DSC3: variants seen among roughly 807,000 people sequenced by gnomAD.
DSC3 encodes desmocollin-3.
In DSC3, 97 loss-of-function variants were observed where a neutral mutation model predicts 89.5. That is an observed-to-expected ratio of 1.08 (90% CI 0.92 to 1.28). The LOEUF (loss-of-function observed/expected upper bound fraction) is 1.28, where lower values mean the gene tolerates loss of function less well. Among genes scored for constraint, DSC3 ranks in the 50% most tolerant of loss-of-function variants. DSC3 has a pLI of 0.00. For synonymous variants in DSC3, 436 were observed against 384.1 expected (o/e 1.14, Z -1.58); for missense variants, 1,199 against 1,085.3 (o/e 1.10, Z -1.47).
At position 31,029,533 on chromosome 18, in the gene DSC3, G is replaced by A; in HGVS notation, c.450C>T (p.Gly150=). The A allele has an allele frequency of 8.7e-6, 14 of 1,613,840 alleles. No homozygotes were observed. Among genetic ancestry groups the A allele is most frequent in the Non-Finnish European group, 1.2e-5 (14 of 1,179,734 alleles). The part of the protein sequence containing the change: ...IPCSMQENSL[G]PFPLFLQQVE... Reference sequence around the variant, plus strand: ...CTTGTTGAAGAAACAATGGGAAAGGGCCCAAGGAATTCTCTTGCATAGAGC... The same window carrying A: ...CTTGTTGAAGAAACAATGGGAAAGGACCCAAGGAATTCTCTTGCATAGAGC... Residue 150 remains glycine, a synonymous_variant, in exon 4 of 16, where the codon GGC becomes GGT. Transcript: ENST00000360428.
intron 13 of DSC3, among the ~76,000 whole-genome samples, chr18:31,003,344 A>G (rs772283935): frequency 7.9e-5 from 12 of 151,752 alleles, no homozygotes; most frequent in African/African-American, 1.2e-4. Flanking sequence ...GTCTTTCCCT[A>G]TTTTTCCTAA....
intron 14 of DSC3, among the ~76,000 whole-genome samples, chr18:31,000,420 C>T (rs1322751644): frequency 6.6e-6 from 1 of 152,280 alleles, no homozygotes; most frequent in East Asian, 1.9e-4. Flanking sequence ...TCTCACTGAT[C>T]CCCCTACTGA....
chr18:30,993,079 G>C lies in DSC3; in HGVS notation c.*1096C>G, dbSNP rs1984328171. The C allele has an allele frequency of 6.6e-6, 1 of 152,190 alleles. No homozygotes were observed. Among genetic ancestry groups the C allele is most frequent in the Non-Finnish European group, 1.5e-5 (1 of 68,066 alleles). The allele number at this position is 152,190 out of a possible 1,614,324, so 9.4% of individuals were successfully genotyped here. The stretch of plus-strand genomic sequence containing the variant: ...CCCTCTAGCCTCTAAACTCTAGGAG[G>C]ACATGGTTATTTGGATCTAAATTAA... On this transcript the variant is annotated 3_prime_UTR_variant, in exon 16 of 16. Transcript: ENST00000360428.
Position 31,008,741 on chromosome 18 carries a change from T to C in DSC3, c.1264-216A>G, listed in dbSNP as rs958366947. On this transcript the variant is annotated intron_variant, in intron 9 of 15. Coordinates refer to ENST00000360428, the MANE Select transcript of DSC3 (RefSeq NM_001941.5). Reference sequence around the variant, plus strand: ...AACTTCTGCAGGTAGTTTCATAGAGTTGGACAAACGAAATTCCGGAAATAT... The same window carrying C: ...AACTTCTGCAGGTAGTTTCATAGAGCTGGACAAACGAAATTCCGGAAATAT... Among the ~76,000 whole-genome samples the C allele has an allele frequency of 8.5e-5, 13 of 152,150 alleles. No homozygotes were observed. Among genetic ancestry groups the C allele is most frequent in the African/African-American group, 2.7e-4 (11 of 41,436 alleles).
chr18:31,003,193 G>T (rs1984724302), intron 13 of DSC3, among the ~76,000 whole-genome samples: 1 of 151,868 alleles, frequency 6.6e-6, no homozygotes, highest in Non-Finnish European at 1.5e-5. Context: ...GCAATCACTG[G>T]CACCAATACC....
chr18:30,995,996 A>AAG (rs35163821), intron 15 of DSC3, among the ~76,000 whole-genome samples: 5 of 136,474 alleles, frequency 3.7e-5, no homozygotes, highest in African/African-American at 8.9e-5. Context: ...AAAAAAAAAA[A>AAG]AAAGAAAAGA....
At chr18:31,032,082 C>T in intron 2 of DSC3, 110 bp downstream of exon 2, 1 of 752,276 alleles carries the variant, frequency 1.3e-6, no homozygotes, top group Non-Finnish European at 2.4e-6. Context: ...GAGGAACATC[C>T]CTTTTTAGTA....
At chr18:31,039,380 T>C (rs993275655) in intron 1 of DSC3, among the ~76,000 whole-genome samples, 2 of 152,152 alleles carry the variant, frequency 1.3e-5, no homozygotes, top group Admixed American at 6.5e-5. Context: ...GACACCCTAC[T>C]TCAGTAGAGA....
rs12970781 is a variant in DSC3 at position 31,036,815 on chromosome 18, T to C, written c.70-4539A>G. ...CTTTCTTCCTTTTTTTTTTTTGAGA[T>C]GGAATCTTGCTCTGTGGCCCAGGCT... On this transcript the variant is annotated intron_variant, in intron 1 of 15. Coordinates refer to ENST00000360428, the MANE Select transcript of DSC3 (RefSeq NM_001941.5). Among the ~76,000 whole-genome samples, 1,092 of 149,344 alleles carry C rather than the reference T, an allele frequency of 7.3e-3. 28 individuals carry two copies. Among genetic ancestry groups the C allele is most frequent in the African/African-American group, 0.025 (1,027 of 40,384 alleles).
At position 30,991,614 on chromosome 18, in the gene DSC3, T is replaced by C. The variant is rs1984245093; in HGVS notation, c.*2561A>G. ...GTCTTGGGGAGGTAGCAGGTTTTGA[T>C]CGGTGAGTGAGGGAGTGAGCAAAAC... is the stretch of plus-strand genomic sequence containing the variant. On this transcript the variant is annotated 3_prime_UTR_variant, in exon 16 of 16. Coordinates refer to ENST00000360428, the MANE Select transcript of DSC3 (RefSeq NM_001941.5). The C allele has an allele frequency of 6.6e-6, 1 of 152,146 alleles. No homozygotes were observed. The highest frequency in any genetic ancestry group is 1.5e-5 in the Non-Finnish European group (1 of 68,034). 9.4% of individuals were successfully genotyped at this position (152,146 alleles called of 1,614,324 possible). A position where few individuals can be genotyped will look rare whatever the true frequency, so the allele number is the denominator to read the frequency against.
chr18:31,029,749 T>C, intron 3 of DSC3, 121 bp from the exon 4 acceptor site: 1 of 1,268,398 alleles, frequency 7.9e-7, no homozygotes, highest in Middle Eastern at 2.4e-4. Flanking sequence ...GGCATTTCCA[T>C]GCTGGAGCTA....
intron 1 of DSC3, among the ~76,000 whole-genome samples, chr18:31,041,714 C>T (rs142175304): frequency 6.6e-6 from 1 of 152,206 alleles, no homozygotes; most frequent in African/African-American, 2.4e-5. Flanking sequence ...TCAAGTCTCC[C>T]GTGTTCTCAG....
intron 9 of DSC3, among the ~76,000 whole-genome samples, chr18:31,010,807 G>A (rs1985032572): frequency 6.6e-6 from 1 of 152,182 alleles, no homozygotes; most frequent in Admixed American, 6.5e-5. Context: ...AGAAGCCACT[G>A]AGGTGGAATG....
At chr18:31,037,391 A>G (rs181375467) in intron 1 of DSC3, among the ~76,000 whole-genome samples, 97 of 152,268 alleles carry the variant, frequency 6.4e-4, no homozygotes, top group Admixed American at 2.3e-3. Flanking sequence ...TTTTAATCCT[A>G]CAAGTCTTTC....
chr18:31,000,148 A>T (rs1380762492), intron 14 of DSC3, among the ~76,000 whole-genome samples: 1 of 152,118 alleles, frequency 6.6e-6, no homozygotes, highest in Non-Finnish European at 1.5e-5. Flanking sequence ...GAAGAGAGAA[A>T]TAGTGAATAA....
At chr18:31,017,982 G>T in intron 9 of DSC3, 89 bp downstream of exon 9, 3 of 1,135,896 alleles carry the variant, frequency 2.6e-6, no homozygotes, top group Non-Finnish European at 3.9e-6. Flanking sequence ...AACTTGTAGA[G>T]TCTATGGTCT....
At chr18:31,030,734 A>G (rs1472711458) in intron 3 of DSC3, among the ~76,000 whole-genome samples, 1 of 151,724 alleles carries the variant, frequency 6.6e-6, no homozygotes, top group African/African-American at 2.4e-5. Flanking sequence ...GAGGGAAGAA[A>G]AGGAAGGGGA....
intron 1 of DSC3, among the ~76,000 whole-genome samples, chr18:31,042,259 G>C (rs1326326005): frequency 6.6e-6 from 1 of 152,126 alleles, no homozygotes; most frequent in Non-Finnish European, 1.5e-5. Context: ...ATCACCACCA[G>C]CTCCACCACC....
intron 6 of DSC3, among the ~76,000 whole-genome samples, 186 bp downstream of exon 6, chr18:31,024,163 T>G (rs1035799415): frequency 6.6e-5 from 10 of 152,100 alleles, no homozygotes; most frequent in Non-Finnish European, 1.3e-4. Context: ...TGACAGAAAC[T>G]TCTGTACTAT....
Sources: gnomAD v4.1 joint callset for allele counts (sites outside exome capture counted in the v4.1 genomes callset) on GRCh38, gnomAD v4.1.1 for gene constraint, MANE v1.5 for transcripts, NCBI Gene and HGNC (gene_info 2026-07-23, HGNC 2026-07-21) for gene names.